The following CDV3 variants were observed in gnomAD, a reference collection of about 807,000 sequenced individuals.
The protein encoded by CDV3 is protein CDV3 homolog.
Under a neutral mutation model 24.5 loss-of-function variants are expected in CDV3, and 14 were observed. The observed-to-expected ratio is 0.57, with a 90% CI of 0.38 to 0.89. The LOEUF (loss-of-function observed/expected upper bound fraction) is 0.89, where lower values mean the gene tolerates loss of function less well. Among genes scored for constraint, CDV3 ranks in the 40% least tolerant of loss-of-function variants. CDV3 has a pLI of 0.00. For synonymous variants in CDV3, 114 were observed against 114.1 expected (o/e 1.00, Z 0.00); for missense variants, 304 against 310.2 (o/e 0.98, Z 0.15).
At position 133,589,415 on chromosome 3, in the gene CDV3, G is replaced by A. The variant is rs1933913534; in HGVS notation, c.*1369G>A. 6.6e-6 allele frequency: 1 copy of A among 152,578 alleles called. No homozygotes were observed. Among genetic ancestry groups the A allele is most frequent in the South Asian group, 2.1e-4 (1 of 4,830 alleles). The allele number at this position is 152,578 out of a possible 1,614,324, so 9.5% of individuals were successfully genotyped here. On this transcript the variant is annotated 3_prime_UTR_variant, in exon 5 of 5. Coordinates refer to ENST00000264993, the MANE Select transcript of CDV3 (RefSeq NM_017548.5). ...TTAAAATACCTATTAATAGTTTTGG[G>A]TCATTTAAAGGGACTTGAGGAAGCT...
chr3:133,585,350 A>T (rs1016728756), intron 3 of CDV3, among the ~76,000 whole-genome samples: 3 of 152,000 alleles, frequency 2.0e-5, no homozygotes, highest in Admixed American at 6.5e-5. Context: ...TTATGTTTTT[A>T]AATCATCTTT....
At chr3:133,577,071 C>T (rs1430269391) in intron 2 of CDV3, among the ~76,000 whole-genome samples, 1 of 151,754 alleles carries the variant, frequency 6.6e-6, no homozygotes, top group Non-Finnish European at 1.5e-5. Context: ...TGGTTTTGAA[C>T]TCCTGACCTC....
intron 3 of CDV3, 25 bp downstream of exon 3, chr3:133,584,175 AAAG>A: frequency 6.5e-7 from 1 of 1,538,596 alleles, no homozygotes; most frequent in South Asian, 1.2e-5. Flanking sequence ...TCAGTTTCAG[AAAG>A]ATGTCTAATT....
At chr3:133,575,186 T>C (rs2074758564) in intron 2 of CDV3, 71 bp downstream of exon 2, 2 of 856,338 alleles carry the variant, frequency 2.3e-6, no homozygotes, top group Admixed American at 1.9e-5. Context: ...GGTTTTCCTT[T>C]GGCCCCAAAG....
At chr3:133,577,961 T>G (rs1014140315) in intron 2 of CDV3, among the ~76,000 whole-genome samples, 7 of 152,272 alleles carry the variant, frequency 4.6e-5, no homozygotes, top group African/African-American at 1.2e-4. Context: ...GATCCTTGGT[T>G]GTTTGTAGGC....
chr3:133,589,616 A>G lies in CDV3; in HGVS notation c.*1570A>G, dbSNP rs1211168673. On this transcript the variant is annotated 3_prime_UTR_variant, in exon 5 of 5. Transcript: ENST00000264993. Reference sequence around the variant, plus strand: ...ATGAGTTGCAGACTTGCTACTGGCAAGAGTGAAGCAAGTGGGTGAGTAAAA... The same window carrying G: ...ATGAGTTGCAGACTTGCTACTGGCAGGAGTGAAGCAAGTGGGTGAGTAAAA... The G allele has an allele frequency of 1.1e-4, 17 of 152,664 alleles. No homozygotes were observed. The highest frequency in any genetic ancestry group is 4.1e-4 in the African/African-American group (17 of 41,452). The allele number at this position is 152,664 out of a possible 1,614,324, so 9.5% of individuals were successfully genotyped here. A position where few individuals can be genotyped will look rare whatever the true frequency, so the allele number is the denominator to read the frequency against.
chr3:133,580,781 TCCTC>T (rs1932938252), intron 2 of CDV3, among the ~76,000 whole-genome samples: 1 of 152,002 alleles, frequency 6.6e-6, no homozygotes, highest in Non-Finnish European at 1.5e-5. Flanking sequence ...CCTCAAGTGA[TCCTC>T]CCACCTTGGC....
chr3:133,578,145 A>G (rs1245470185), intron 2 of CDV3, among the ~76,000 whole-genome samples: 1 of 151,908 alleles, frequency 6.6e-6, no homozygotes, highest in Non-Finnish European at 1.5e-5. Context: ...GTGAGTTGCC[A>G]CCCCTGACTA....
Position 133,588,114 on chromosome 3 carries a change from C to A in CDV3, c.*68C>A. ...CTAACCACCACCAACAGCCATTCAT[C>A]ATCTGATCTCTGCTGGATCTACAGA... On this transcript the variant is annotated 3_prime_UTR_variant, in exon 5 of 5. Coordinates refer to ENST00000264993, the MANE Select transcript of CDV3 (RefSeq NM_017548.5). 3 of 1,581,966 alleles carry A rather than the reference C, an allele frequency of 1.9e-6. No homozygotes were observed. The highest frequency in any genetic ancestry group is 2.6e-6 in the Non-Finnish European group (3 of 1,164,834).
chr3:133,574,155 C>T lies in CDV3; in HGVS notation c.111C>T (p.Ser37=), dbSNP rs2074708457. Residue 37 remains serine, a synonymous_variant, in exon 1 of 5, where the codon AGC becomes AGT. Coordinates refer to ENST00000264993, the MANE Select transcript of CDV3 (RefSeq NM_017548.5). The part of the protein sequence containing the change: ...RAASAAGAAG[S]AGGSSGAAGA... ...CGAGTGCCGCGGGCGCAGCGGGCAG[C>T]GCCGGCGGAAGCAGTGGAGCCGCGG... The T allele has an allele frequency of 3.4e-6, 4 of 1,160,312 alleles. No homozygotes were observed. The South Asian group carries it at 5.4e-5, about 16-fold the overall frequency. 71.9% of individuals were successfully genotyped at this position (1,160,312 alleles called of 1,614,324 possible). A position where few individuals can be genotyped will look rare whatever the true frequency, so the allele number is the denominator to read the frequency against.
At position 133,586,663 on chromosome 3, in the gene CDV3, C is replaced by T. The variant is rs1399078032; in HGVS notation, c.567C>T (p.Ile189=). ...TRKTPQGPPE[I]YSDTQFPSLQ... ...AAACACCACAAGGACCACCAGAAAT[C>T]TACAGTGATACACAGTTCCCATCCC... Residue 189 remains isoleucine (I), a synonymous_variant, in exon 4 of 5, where the codon ATC becomes ATT. Transcript: ENST00000264993. The T allele has an allele frequency of 6.2e-7, 1 of 1,600,342 alleles. No individual in the cohort carries two copies. Among genetic ancestry groups the T allele is most frequent in the Admixed American group, 1.7e-5 (1 of 59,998 alleles).
At chr3:133,576,717 T>C (rs2074820492) in intron 2 of CDV3, among the ~76,000 whole-genome samples, 2 of 152,208 alleles carry the variant, frequency 1.3e-5, no homozygotes, top group Non-Finnish European at 1.5e-5. Flanking sequence ...TTGATCTATT[T>C]TGGTTACTTT....
chr3:133,588,033 C>T lies in CDV3; in HGVS notation c.764C>T (p.Ser255Leu). 1 of 1,613,420 alleles carries T rather than the reference C, an allele frequency of 6.2e-7. No individual in the cohort carries two copies. The highest frequency in any genetic ancestry group is 1.7e-5 in the Admixed American group (1 of 59,752). The change falls in exon 5 of 5, where the codon TCA becomes TTA. Residue 255 changes from serine to leucine, a missense_variant. By Grantham distance (145) the Ser-to-Leu change is moderately radical. This residue lies in a region of CDV3 where 56 missense variants were observed against 50.9 expected (regional missense o/e 1.10). Coordinates refer to ENST00000264993, the MANE Select transcript of CDV3 (RefSeq NM_017548.5). ...CTTGAAAATCAGAAAAGCAGCCACTCACAATACAATTAAGGAATGGGCTTT... is the reference window on the plus strand; with the variant it reads ...CTTGAAAATCAGAAAAGCAGCCACTTACAATACAATTAAGGAATGGGCTTT... ...AVLENQKSSH[S>L]QYN is the part of the protein sequence containing the mutation.
At position 133,589,822 on chromosome 3, in the gene CDV3, A is replaced by G. The variant is rs975530186; in HGVS notation, c.*1776A>G. The G allele has an allele frequency of 6.6e-6, 1 of 152,248 alleles. No homozygotes were observed. The allele number at this position is 152,248 out of a possible 1,614,324, so 9.4% of individuals were successfully genotyped here. Reference sequence around the variant, plus strand: ...TGCCTTCTAATATATTTGGGTGAGTAACTGAGCCAGCCAAGGGAAGGTTGA... The same window carrying G: ...TGCCTTCTAATATATTTGGGTGAGTGACTGAGCCAGCCAAGGGAAGGTTGA... On this transcript the variant is annotated 3_prime_UTR_variant, in exon 5 of 5. Transcript: ENST00000264993.
At position 133,573,892 on chromosome 3, in the gene CDV3, C is replaced by T. The variant is rs1029648327; in HGVS notation, c.-153C>T. On this transcript the variant is annotated 5_prime_UTR_variant, in exon 1 of 5. Coordinates refer to ENST00000264993, the MANE Select transcript of CDV3 (RefSeq NM_017548.5). ...TCGCCAGCACGCAGGGGGAGCCGCC[C>T]GTCTCGCCGCGCACGCCTCGGCGAC... 7 of 433,400 alleles carry T rather than the reference C, an allele frequency of 1.6e-5. No homozygotes were observed. The East Asian group carries it at 6.2e-4, about 39-fold the overall frequency. The allele number at this position is 433,400 out of a possible 1,614,324, so 26.8% of individuals were successfully genotyped here. A position where few individuals can be genotyped will look rare whatever the true frequency, so the allele number is the denominator to read the frequency against.
intron 3 of CDV3, among the ~76,000 whole-genome samples, chr3:133,584,745 C>G (rs550095011): frequency 6.6e-6 from 1 of 152,250 alleles, no homozygotes; most frequent in South Asian, 2.1e-4. Flanking sequence ...CCAATTTTAT[C>G]ATTCTCAAGG....
intron 2 of CDV3, among the ~76,000 whole-genome samples, chr3:133,581,145 G>T (rs916468186): frequency 1.3e-5 from 2 of 152,088 alleles, no homozygotes; most frequent in Admixed American, 6.6e-5. Context: ...CACTTTGGGA[G>T]GCAGAGGTAG....
intron 2 of CDV3, among the ~76,000 whole-genome samples, chr3:133,580,019 G>T (rs991619912): frequency 6.6e-6 from 1 of 152,000 alleles, no homozygotes; most frequent in African/African-American, 2.4e-5. Flanking sequence ...TGTACACAAC[G>T]TGCAGGTTTG....
intron 4 of CDV3, chr3:133,587,364 C>A (rs1933717525): frequency 2.4e-6 from 3 of 1,235,720 alleles, no homozygotes; most frequent in African/African-American, 3.1e-5. Context: ...TGAATTTAAA[C>A]CTCCACGTGG....
Sources: gnomAD v4.1 joint callset for allele counts (sites outside exome capture counted in the v4.1 genomes callset) on GRCh38, gnomAD v4.1.1 for gene constraint, gnomAD v4.1.1 regional missense constraint, MANE v1.5 for transcripts, NCBI Gene and HGNC (gene_info 2026-07-23, HGNC 2026-07-21) for gene names.